Variants in KAZN observed in about 807,000 individuals in gnomAD.
KAZN encodes kazrin, periplakin interacting protein, also known as kazrin.
KAZN carries 40 observed loss-of-function variants against 87.4 expected under a neutral mutation model. The observed-to-expected ratio is 0.46, with a 90% confidence interval of 0.36 to 0.60. The LOEUF (loss-of-function observed/expected upper bound fraction) is 0.60. KAZN is among the 20% of genes least tolerant of loss of function. The pLI, the probability that KAZN is intolerant of heterozygous loss-of-function variation, is 0.00. For synonymous variants in KAZN, 466 were observed against 458.3 expected (o/e 1.02, Z -0.22); for missense variants, 898 against 1,073.9 (o/e 0.84, Z 2.29).
intron 2 of KAZN, among the ~76,000 whole-genome samples, chr1:14,358,853 C>T (rs1659261911): frequency 6.6e-6 from 1 of 152,038 alleles, no homozygotes; most frequent in Non-Finnish European, 1.5e-5. Context: ...ATTATGTGGT[C>T]AATTTTAGAA....
At chr1:14,905,851 TAA>T (rs1429118103) in intron 1 of KAZN, among the ~76,000 whole-genome samples, 4 of 83,044 alleles carry the variant, frequency 4.8e-5, no homozygotes, top group Non-Finnish European at 9.0e-5. Flanking sequence ...TCAAAAATAA[TAA>T]TAATAATAAT....
At chr1:14,180,305 C>T in intron 1 of KAZN, 1 of 705,308 alleles carries the variant, frequency 1.4e-6, no homozygotes, top group East Asian at 2.8e-5. Context: ...ATAGATGTGT[C>T]AAGTTCTTGA....
chr1:14,261,564 C>CGATG (rs1557601199), intron 2 of KAZN, among the ~76,000 whole-genome samples: 1 of 152,088 alleles, frequency 6.6e-6, no homozygotes, highest in African/African-American at 2.4e-5. Context: ...CATTCTCCAC[C>CGATG]GACGAGGCAC....
intron 1 of KAZN, among the ~76,000 whole-genome samples, chr1:14,042,598 A>G (rs1355983919): frequency 2.6e-5 from 4 of 152,186 alleles, no homozygotes; most frequent in Admixed American, 2.0e-4. Flanking sequence ...AGTGATACAG[A>G]TGGCATCTAG....
At position 15,066,082 on chromosome 1, in the gene KAZN, G is replaced by A. The variant is rs1639204365; in HGVS notation, c.1222+329G>A. On this transcript the variant is annotated intron_variant, in intron 8 of 14. Transcript: ENST00000376030. The surrounding 1 kb of genome is among the most constrained non-coding windows in gnomAD (Gnocchi z 4.3). ...AGCGATACAGTTGTGTTGTTAATCT[G>A]GTTTATTATTTTTCTTCAGTGTTTG... The A allele has an allele frequency of 1.7e-6, 2 of 1,162,856 alleles. No individual in the cohort carries two copies. Among genetic ancestry groups the A allele is most frequent in the Admixed American group, 4.7e-5 (1 of 21,428 alleles). 72.0% of individuals were successfully genotyped at this position (1,162,856 alleles called of 1,614,324 possible).
intron 1 of KAZN, among the ~76,000 whole-genome samples, chr1:14,073,917 T>C (rs1557453088): frequency 6.6e-6 from 1 of 152,224 alleles, no homozygotes; most frequent in Non-Finnish European, 1.5e-5. Context: ...ATATATCCAG[T>C]AATGGGATTG....
At chr1:13,918,526 G>T (rs1394128603) in intron 1 of KAZN, among the ~76,000 whole-genome samples, 1 of 152,236 alleles carries the variant, frequency 6.6e-6, no homozygotes, top group Non-Finnish European at 1.5e-5. Flanking sequence ...GACAACAAAA[G>T]ATTTGTAATA....
At chr1:14,928,546 G>A (rs1659435108) in intron 1 of KAZN, among the ~76,000 whole-genome samples, 1 of 151,682 alleles carries the variant, frequency 6.6e-6, no homozygotes. Flanking sequence ...TCCTCTCCTT[G>A]ACATTCCTTG....
chr1:13,955,624 G>A (rs925987851), intron 1 of KAZN, among the ~76,000 whole-genome samples: 1 of 152,144 alleles, frequency 6.6e-6, no homozygotes, highest in African/African-American at 2.4e-5. Context: ...AGGAATCTGG[G>A]AAGGAGAGGA....
At chr1:14,605,710 C>T (rs1012646002) in intron 1 of KAZN, among the ~76,000 whole-genome samples, 2 of 152,130 alleles carry the variant, frequency 1.3e-5, no homozygotes, top group Non-Finnish European at 2.9e-5. Flanking sequence ...GGGTTGGTCT[C>T]GCTGTCTCAG....
At chr1:14,401,075 G>C (rs1421964184) in intron 2 of KAZN, among the ~76,000 whole-genome samples, 1 of 152,184 alleles carries the variant, frequency 6.6e-6, no homozygotes, top group Non-Finnish European at 1.5e-5. Context: ...AGGCTGCCAG[G>C]GAGAGAGCAC....
intron 3 of KAZN, among the ~76,000 whole-genome samples, chr1:15,035,928 G>C (rs542798029): frequency 6.6e-6 from 1 of 152,252 alleles, no homozygotes; most frequent in Admixed American, 6.5e-5. Context: ...GGAAGCAGCA[G>C]GCCAGGTGAA....
rs1553176575 is a variant in KAZN at position 13,942,376 on chromosome 1, T to TG, written c.91+48620_91+48621insG. ...TAACAAGGTGAAACCCCGTCTCTACTAAAAATACAAAAAATTAGCCGGGCG... is the reference window on the plus strand; with the variant it reads ...TAACAAGGTGAAACCCCGTCTCTACTGAAAAATACAAAAAATTAGCCGGGCG... On this transcript the variant is annotated intron_variant, in intron 1 of 16. Coordinates refer to the KAZN transcript ENST00000636203. Among the ~76,000 whole-genome samples, 6 of 137,838 alleles carry TG rather than the reference T, an allele frequency of 4.4e-5. No homozygotes were observed. The East Asian group carries it at 1.2e-3, about 27-fold the overall frequency. 90.4% of individuals were successfully genotyped at this position (137,838 alleles called of 152,430 possible). A position where few individuals can be genotyped will look rare whatever the true frequency, so the allele number is the denominator to read the frequency against.
chr1:14,675,688 C>T (rs1034883287), intron 1 of KAZN, among the ~76,000 whole-genome samples: 3 of 152,200 alleles, frequency 2.0e-5, no homozygotes, highest in Non-Finnish European at 2.9e-5. Flanking sequence ...TTCTTCTAAT[C>T]ATTCCATGCC....
At chr1:14,099,647 G>A (rs72862531) in intron 1 of KAZN, among the ~76,000 whole-genome samples, 13,662 of 152,130 alleles carry the variant, frequency 0.09, 1,939 homozygotes, top group African/African-American at 0.3. Flanking sequence ...TCCTGCCCAC[G>A]AAGGTGCCAG....
At chr1:14,053,184 G>A (rs1404536761) in intron 1 of KAZN, among the ~76,000 whole-genome samples, 1 of 152,216 alleles carries the variant, frequency 6.6e-6, no homozygotes, top group Non-Finnish European at 1.5e-5. Flanking sequence ...TGGCCTTGAA[G>A]AAGCAAGTGG....
chr1:14,223,508 GC>G (rs981499023), intron 2 of KAZN, among the ~76,000 whole-genome samples: 2 of 152,056 alleles, frequency 1.3e-5, no homozygotes, highest in African/African-American at 4.8e-5. Context: ...TACATTTCCT[GC>G]CCATGCTCCT....
intron 2 of KAZN, among the ~76,000 whole-genome samples, chr1:14,487,442 C>A (rs1408681629): frequency 6.6e-6 from 1 of 152,210 alleles, no homozygotes; most frequent in East Asian, 1.9e-4. Flanking sequence ...TCATCCCCAG[C>A]CTCACACCCC....
chr1:14,386,771 T>G (rs1277132627), intron 2 of KAZN, among the ~76,000 whole-genome samples: 3 of 151,928 alleles, frequency 2.0e-5, no homozygotes, highest in African/African-American at 7.2e-5. Flanking sequence ...TCAACTTCGG[T>G]GAATCTGACA....
Sources: gnomAD v4.1 joint callset for allele counts (sites outside exome capture counted in the v4.1 genomes callset) on GRCh38, gnomAD v4.1.1 for gene constraint, Gnocchi (gnomAD v3.1) non-coding constraint, MANE v1.5 for transcripts, NCBI Gene and HGNC (gene_info 2026-07-23, HGNC 2026-07-21) for gene names.